The following MGRN1 variants were observed in gnomAD, a reference collection of about 807,000 sequenced individuals.
The protein encoded by MGRN1 is mahogunin ring finger 1.
Under a neutral mutation model 69.2 loss-of-function variants are expected in MGRN1, and 29 were observed. The observed-to-expected ratio is 0.42, with a 90% CI of 0.31 to 0.57. MGRN1 has a LOEUF of 0.57. Ranked by LOEUF, MGRN1 falls within the 20% of genes least tolerant of loss-of-function variation. The pLI is 0.15. For missense variants in MGRN1, 998 were observed against 796.2 expected (o/e 1.25, Z -3.05); for synonymous variants, 470 against 344.2 (o/e 1.37, Z -4.04).
intron 11 of MGRN1, among the ~76,000 whole-genome samples, chr16:4,679,340 G>A (rs747587112): frequency 1.3e-5 from 2 of 152,154 alleles, no homozygotes; most frequent in Non-Finnish European, 2.9e-5. Flanking sequence ...TGAGCTGGGC[G>A]GCCGGGGTCC....
At chr16:4,657,093 C>T (rs982687868) in intron 4 of MGRN1, among the ~76,000 whole-genome samples, 153 bp from the exon 5 acceptor site, 1 of 152,142 alleles carries the variant, frequency 6.6e-6, no homozygotes, top group African/African-American at 2.4e-5. Context: ...GGGTGAGGGC[C>T]ACGTGGCCAT....
chr16:4,647,888 G>A (rs1461828903), intron 1 of MGRN1, among the ~76,000 whole-genome samples: 5 of 152,124 alleles, frequency 3.3e-5, no homozygotes, highest in Non-Finnish European at 7.4e-5. Context: ...AGCCATGCTG[G>A]GCACCTGGCT....
In MGRN1 at chr16:4,664,784, G is replaced by A. The variant is rs199956772; in HGVS notation, c.628+9G>A. The A allele has an allele frequency of 3.1e-4, 498 of 1,614,042 alleles. 3 individuals carry two copies. The highest frequency in any genetic ancestry group is 3.1e-3 in the South Asian group (280 of 91,086). ...GGTGGACGAAGGAGATGGTGAGTGC[G>A]TCCTCTTCCGTCCTCCTGGGCGTGC... On this transcript the variant is annotated intron_variant, in intron 6 of 16. Coordinates refer to ENST00000262370, the MANE Select transcript of MGRN1 (RefSeq NM_015246.4).
Position 4,681,780 on chromosome 16 carries a change from A to C in MGRN1, c.1358+4A>C. The C allele has an allele frequency of 6.2e-7, 1 of 1,608,670 alleles. No individual in the cohort carries two copies. Among genetic ancestry groups the C allele is most frequent in the Non-Finnish European group, 8.5e-7 (1 of 1,177,914 alleles). ...CGCAGAGCAAGGCCCCCGACAGGTGAGCAGCAGCCAGGCCAGGTGCATGGC... is the reference window on the plus strand; with the variant it reads ...CGCAGAGCAAGGCCCCCGACAGGTGCGCAGCAGCCAGGCCAGGTGCATGGC... On this transcript the variant is annotated splice_donor_region_variant and intron_variant, in intron 13 of 16. Coordinates refer to ENST00000262370, the MANE Select transcript of MGRN1 (RefSeq NM_015246.4).
chr16:4,677,537 G>C lies in MGRN1; in HGVS notation c.1030G>C (p.Val344Leu). ...GALSPVSFSPVLAQSLEHDEH... is the reference protein window; with the variant it reads ...GALSPVSFSPLLAQSLEHDEH... ...CCTGTCCCCCGTGTCCTTCAGCCCCGTCCTGGCCCAGAGCCTGGAGCATGA... is the reference window on the plus strand; with the variant it reads ...CCTGTCCCCCGTGTCCTTCAGCCCCCTCCTGGCCCAGAGCCTGGAGCATGA... Residue 344 changes from valine to leucine, a missense_variant, in exon 11 of 17, where the codon GTC becomes CTC. Transcript: ENST00000262370. The C allele has an allele frequency of 1.3e-6, 2 of 1,599,872 alleles. No homozygotes were observed. The highest frequency in any genetic ancestry group is 1.7e-6 in the Non-Finnish European group (2 of 1,179,376).
intron 1 of MGRN1, among the ~76,000 whole-genome samples, chr16:4,645,470 T>C (rs1035528859): frequency 6.6e-6 from 1 of 152,150 alleles, no homozygotes; most frequent in Non-Finnish European, 1.5e-5. Flanking sequence ...TTAATTACTT[T>C]CTCTGAAGTT....
At chr16:4,686,456 T>A in intron 16 of MGRN1, 1 of 1,417,946 alleles carries the variant, frequency 7.1e-7, no homozygotes, top group South Asian at 1.6e-5. Context: ...AATCCAGAGC[T>A]CTCCAGTGGC....
intron 16 of MGRN1, chr16:4,687,079 C>T (rs1446776251): frequency 1.3e-5 from 13 of 985,426 alleles, no homozygotes; most frequent in African/African-American, 1.7e-5. Context: ...GCCTGGCACA[C>T]AGTCCCTCGT....
intron 1 of MGRN1, among the ~76,000 whole-genome samples, chr16:4,645,138 G>T (rs2078246634): frequency 6.7e-6 from 1 of 148,472 alleles, no homozygotes; most frequent in Non-Finnish European, 1.5e-5. Context: ...TATAGAGTGA[G>T]AGTTGGCGGG....
chr16:4,674,616 C>T (rs374902086), intron 10 of MGRN1, among the ~76,000 whole-genome samples: 579 of 70,098 alleles, frequency 8.3e-3, no homozygotes, highest in Admixed American at 0.013. Context: ...TTTTTCTTTT[C>T]TTTTCTTTTC....
chr16:4,627,593 C>A (rs1258193042), intron 1 of MGRN1, among the ~76,000 whole-genome samples: 2 of 151,814 alleles, frequency 1.3e-5, no homozygotes, highest in Non-Finnish European at 2.9e-5. Flanking sequence ...GGAGACCATC[C>A]TGGCTAACAC....
At chr16:4,663,662 G>A (rs1051388901) in intron 5 of MGRN1, among the ~76,000 whole-genome samples, 1 of 152,220 alleles carries the variant, frequency 6.6e-6, no homozygotes, top group Non-Finnish European at 1.5e-5. Flanking sequence ...ATGGTGGCCG[G>A]TGGCTTTCCT....
chr16:4,690,640 G>GTCACA lies in MGRN1; in HGVS notation c.*1732_*1733insTCACA, dbSNP rs2079436321. On this transcript the variant is annotated 3_prime_UTR_variant, in exon 17 of 17. Transcript: ENST00000262370. ...CACTCACGCTCACACATGCTGTCAC[G>GTCACA]CATACACACACGCACATACTCCTGC... 6.6e-6 allele frequency: 1 copy of GTCACA among 152,214 alleles called. No homozygotes were observed. The highest frequency in any genetic ancestry group is 1.9e-4 in the East Asian group (1 of 5,202). The allele number at this position is 152,214 out of a possible 1,614,324, so 9.4% of individuals were successfully genotyped here.
At chr16:4,643,433 G>T (rs187094999) in intron 1 of MGRN1, among the ~76,000 whole-genome samples, 10 of 131,986 alleles carry the variant, frequency 7.6e-5, no homozygotes, top group Non-Finnish European at 1.6e-4. Context: ...TTCTGAGACA[G>T]AGTCTCCCTC....
intron 10 of MGRN1, 38 bp downstream of exon 10, chr16:4,673,695 G>C: frequency 1.2e-6 from 2 of 1,606,098 alleles, no homozygotes; most frequent in Non-Finnish European, 1.7e-6. Context: ...GAAGGTTCTG[G>C]AAATTAGGGA....
At chr16:4,642,784 T>C (rs1319032058) in intron 1 of MGRN1, among the ~76,000 whole-genome samples, 1 of 150,678 alleles carries the variant, frequency 6.6e-6, no homozygotes, top group East Asian at 1.9e-4. Flanking sequence ...TTTTTAACGC[T>C]TGAATTTTTT....
Position 4,669,947 on chromosome 16 carries a change from A to G in MGRN1, c.727-1444A>G, listed in dbSNP as rs58078305. Among the ~76,000 whole-genome samples the G allele has an allele frequency of 8.2e-3, 1,215 of 148,718 alleles. 14 individuals are homozygous for G. Among genetic ancestry groups the G allele is most frequent in the African/African-American group, 0.028 (1,162 of 41,356 alleles). On this transcript the variant is annotated intron_variant, in intron 8 of 16. Coordinates refer to ENST00000262370, the MANE Select transcript of MGRN1 (RefSeq NM_015246.4). ...TTGCTAATGAGATGTCCTAGGCCAC[A>G]GCTAACAGTTACTCCGTGTGTACTG...
chr16:4,635,386 C>A (rs1898228884), intron 1 of MGRN1, among the ~76,000 whole-genome samples: 2 of 152,168 alleles, frequency 1.3e-5, no homozygotes, highest in Non-Finnish European at 2.9e-5. Flanking sequence ...CACTGCACTC[C>A]ACCCTGGGTG....
intron 1 of MGRN1, among the ~76,000 whole-genome samples, chr16:4,638,697 A>T (rs2078087348): frequency 6.6e-6 from 1 of 152,132 alleles, no homozygotes; most frequent in Non-Finnish European, 1.5e-5. Context: ...CCTGGGGTTT[A>T]TTGGCAATGC....
Sources: gnomAD v4.1 joint callset for allele counts (sites outside exome capture counted in the v4.1 genomes callset) on GRCh38, gnomAD v4.1.1 for gene constraint, MANE v1.5 for transcripts, NCBI Gene and HGNC (gene_info 2026-07-23, HGNC 2026-07-21) for gene names.